PRDM6: variants seen among roughly 807,000 people sequenced by gnomAD.
The protein encoded by PRDM6 is PR/SET domain 6, also known as putative histone-lysine N-methyltransferase PRDM6.
A neutral mutation model predicts 60.8 loss-of-function variants in PRDM6; 25 were observed. The ratio of observed to expected loss-of-function variants is 0.41; its 90% CI spans 0.30 to 0.57. The LOEUF is 0.57. Ranked by LOEUF, PRDM6 falls within the 20% of genes least tolerant of loss-of-function variation. PRDM6 has a pLI of 0.27. For missense variants in PRDM6, 839 were observed against 821.3 expected (o/e 1.02, Z -0.26); for synonymous variants, 407 against 357.4 (o/e 1.14, Z -1.57).
intron 3 of PRDM6, among the ~76,000 whole-genome samples, chr5:123,117,185 G>T (rs1764469422): frequency 2.0e-5 from 3 of 151,716 alleles, no homozygotes; most frequent in Admixed American, 2.0e-4. Flanking sequence ...CAACCCAACA[G>T]TTCATTTAAA....
At chr5:123,141,455 C>G (rs897748875) in intron 3 of PRDM6, among the ~76,000 whole-genome samples, 12 of 151,956 alleles carry the variant, frequency 7.9e-5, no homozygotes. Context: ...TTTTATTTTT[C>G]TAGAAATTCT....
rs560018701 is a variant in PRDM6, at chr5:123,110,060, A to G, written c.900+10099A>G. On this transcript the variant is annotated intron_variant, in intron 3 of 7. Transcript: ENST00000407847. ...AAAATGTGTGTGCAGCCATATGTGT[A>G]CTTGTGAATACAGACATAACAGTAT... Among the ~76,000 whole-genome samples, 3 of 152,344 alleles carry G rather than the reference A, an allele frequency of 2.0e-5. No homozygotes were observed. The East Asian group carries it at 5.8e-4, about 29-fold the overall frequency.
chr5:123,148,518 T>A (rs1765299445), intron 3 of PRDM6, among the ~76,000 whole-genome samples: 1 of 151,780 alleles, frequency 6.6e-6, no homozygotes, highest in African/African-American at 2.4e-5. Context: ...TGAACACACA[T>A]AATATGGGCA....
In PRDM6 at chr5:123,163,571, A is replaced by T. The variant is rs555200346; in HGVS notation, c.1153+3933A>T. ...TTTCTTTTTTAAAAAGTCGTATTAT[A>T]AATGTAATAGAGCTCCAAAGAGAGT... On this transcript the variant is annotated intron_variant, in intron 5 of 7. Transcript: ENST00000407847. Among the ~76,000 whole-genome samples, 18 of 152,294 alleles carry T rather than the reference A, an allele frequency of 1.2e-4. No individual in the cohort carries two copies. The East Asian group carries it at 2.7e-3, about 23-fold the overall frequency.
chr5:123,090,276 A>ACCTCCGCCTCCTCCGCCACCTCCGCCT lies in PRDM6; in HGVS notation c.279_280insACCTCCGCCTCCTCCGCCTCCTCCGCC (p.Ala93_Ser94insThrSerAlaSerSerAlaSerSerAla). On this transcript the variant is annotated inframe_insertion, in exon 2 of 8. Coordinates refer to ENST00000407847, the MANE Select transcript of PRDM6 (RefSeq NM_001136239.4). ...CTCGTCCACGCCGGCTTCCTCTTCCACCTCCGCCTCCTCCGCCTCCTCCTG... is the reference window on the plus strand; with the variant it reads ...CTCGTCCACGCCGGCTTCCTCTTCCACCTCCGCCTCCTCCGCCACCTCCGCCTCCTCCGCCTCCTCCGCCTCCTCCTG... 1 of 1,481,676 alleles carries ACCTCCGCCTCCTCCGCCACCTCCGCCT rather than the reference A, an allele frequency of 6.7e-7. No homozygotes were observed. Among genetic ancestry groups the ACCTCCGCCTCCTCCGCCACCTCCGCCT allele is most frequent in the Non-Finnish European group, 9.0e-7 (1 of 1,116,820 alleles). 91.8% of individuals were successfully genotyped at this position (1,481,676 alleles called of 1,614,324 possible). A position where few individuals can be genotyped will look rare whatever the true frequency, so the allele number is the denominator to read the frequency against.
rs1173169991 is a variant in PRDM6, at chr5:123,090,027, G to A, written c.13G>A (p.Gly5Arg). The stretch of plus-strand genomic sequence containing the variant: ...CGAGGCGCCGGACATGCTGAAGCCC[G>A]GAGACCCCGGCGGTTCGGCCTTCCT... MLKP[G>R]DPGGSAFLKV... is the part of the protein sequence containing the mutation. Residue 5 changes from glycine (G) to arginine (R), a missense_variant, in exon 2 of 8, where the codon GGA (glycine) becomes AGA (arginine). Transcript: ENST00000407847. 1 of 1,547,664 alleles carries A rather than the reference G, an allele frequency of 6.5e-7. No individual in the cohort carries two copies. Among genetic ancestry groups the A allele is most frequent in the Non-Finnish European group, 8.7e-7 (1 of 1,145,684 alleles).
chr5:123,100,178 A>T (rs1764067815), intron 3 of PRDM6, among the ~76,000 whole-genome samples: 2 of 152,236 alleles, frequency 1.3e-5, no homozygotes, highest in South Asian at 2.1e-4. Context: ...GGACTGACAC[A>T]ATAGCAACCC....
chr5:123,178,374 T>G (rs1488382163), intron 6 of PRDM6, among the ~76,000 whole-genome samples: 1 of 152,210 alleles, frequency 6.6e-6, no homozygotes, highest in Non-Finnish European at 1.5e-5. Flanking sequence ...TAATCTTCAA[T>G]AACAGTTTAG....
intron 3 of PRDM6, among the ~76,000 whole-genome samples, chr5:123,110,844 T>C (rs1008252936): frequency 2.0e-5 from 3 of 152,038 alleles, no homozygotes; most frequent in African/African-American, 7.2e-5. Flanking sequence ...GGATTTCAGG[T>C]GTGAGCCACC....
rs147933531 is a variant in PRDM6, at chr5:123,158,837, G to GT, written c.1029-667dup. ...GTCTCCTCATTTTTTTAATCTGTAG[G>GT]TTTTTTTTTTACAGTACCAAAGCTA... On this transcript the variant is annotated intron_variant, in intron 4 of 7. Coordinates refer to ENST00000407847, the MANE Select transcript of PRDM6 (RefSeq NM_001136239.4). Among the ~76,000 whole-genome samples the GT allele has an allele frequency of 4.4e-3, 654 of 148,068 alleles. 8 individuals are homozygous for GT. The highest frequency in any genetic ancestry group is 0.029 in the East Asian group (146 of 5,072).
At chr5:123,133,644 C>G (rs1402601174) in intron 3 of PRDM6, among the ~76,000 whole-genome samples, 1 of 151,974 alleles carries the variant, frequency 6.6e-6, no homozygotes, top group Non-Finnish European at 1.5e-5. Context: ...GATATACACC[C>G]TGAAGGTCAA....
At chr5:123,139,301 A>C (rs932226380) in intron 3 of PRDM6, among the ~76,000 whole-genome samples, 1 of 152,198 alleles carries the variant, frequency 6.6e-6, no homozygotes, top group Admixed American at 6.5e-5. Flanking sequence ...CAAGAAAAAG[A>C]ATTTATTATT....
chr5:123,174,152 A>T (rs1395748016), intron 6 of PRDM6, among the ~76,000 whole-genome samples: 1 of 152,210 alleles, frequency 6.6e-6, no homozygotes, highest in East Asian at 1.9e-4. Flanking sequence ...AAATCTGAAA[A>T]TCTGAAATCT....
chr5:123,090,429 C>A lies in PRDM6; in HGVS notation c.415C>A (p.Leu139Ile). The change falls in exon 2 of 8, where the codon CTC becomes ATC. Residue 139 changes from leucine to isoleucine, a missense_variant. This residue lies in a region of PRDM6 where 730 missense variants were observed against 648.8 expected (regional missense o/e 1.13). Coordinates refer to ENST00000407847, the MANE Select transcript of PRDM6 (RefSeq NM_001136239.4). ...GCCGCTGCCCCCCAAGGAACTGTGCCTCGGCGCCACCTCCGGCCCCGGGCC... is the reference window on the plus strand; with the variant it reads ...GCCGCTGCCCCCCAAGGAACTGTGCATCGGCGCCACCTCCGGCCCCGGGCC... ...AEPLPPKELCLGATSGPGPVK... is the reference protein window; with the variant it reads ...AEPLPPKELCIGATSGPGPVK... 1.4e-6 allele frequency: 2 copies of A among 1,453,560 alleles called. No individual in the cohort carries two copies. Among genetic ancestry groups the A allele is most frequent in the Non-Finnish European group, 1.8e-6 (2 of 1,112,380 alleles). 90.0% of individuals were successfully genotyped at this position (1,453,560 alleles called of 1,614,324 possible).
chr5:123,133,128 G>T (rs150830599), intron 3 of PRDM6, among the ~76,000 whole-genome samples: 3 of 152,032 alleles, frequency 2.0e-5, no homozygotes, highest in African/African-American at 4.8e-5. Context: ...AGTGTGAGAG[G>T]CCTGTGAATA....
chr5:123,110,509 T>A (rs1764287093), intron 3 of PRDM6, among the ~76,000 whole-genome samples: 5 of 150,686 alleles, frequency 3.3e-5, no homozygotes, highest in Non-Finnish European at 1.5e-5. Flanking sequence ...TCCACGAGCC[T>A]CCCAAAGTGT....
chr5:123,111,554 C>G (rs1187070791), intron 3 of PRDM6, among the ~76,000 whole-genome samples: 1 of 152,070 alleles, frequency 6.6e-6, no homozygotes, highest in Non-Finnish European at 1.5e-5. Context: ...AAAAATTGTC[C>G]GGGTGTGGTG....
chr5:123,190,911 T>TA lies in PRDM6; in HGVS notation c.*3713dup, dbSNP rs1467434384. The TA allele has an allele frequency of 1.3e-5, 2 of 152,224 alleles. No individual in the cohort carries two copies. Among genetic ancestry groups the TA allele is most frequent in the African/African-American group, 4.8e-5 (2 of 41,456 alleles). 9.4% of individuals were successfully genotyped at this position (152,224 alleles called of 1,614,324 possible). On this transcript the variant is annotated 3_prime_UTR_variant, in exon 8 of 8. Transcript: ENST00000407847. ...CTTTAGACCATTGTCTCAGTGAAGT[T>TA]AAAGATTTTGTTCCAACTGGGAAAA...
At chr5:123,157,253 A>C (rs906602812) in intron 4 of PRDM6, among the ~76,000 whole-genome samples, 1 of 152,154 alleles carries the variant, frequency 6.6e-6, no homozygotes, top group Non-Finnish European at 1.5e-5. Context: ...ATGAAGTAGC[A>C]CAAGACAGTA....
Sources: allele counts gnomAD v4.1 joint callset (sites outside exome capture counted in the v4.1 genomes callset), GRCh38; gene constraint gnomAD v4.1.1; regional missense constraint gnomAD v4.1.1; transcripts MANE v1.5; gene names NCBI Gene and HGNC (gene_info 2026-07-23, HGNC 2026-07-21).